SPOCK3: variants seen among roughly 807,000 people sequenced by gnomAD.
SPOCK3 encodes the protein testican-3.
In SPOCK3, 30 loss-of-function variants were observed where a neutral mutation model predicts 56.6. The ratio of observed to expected loss-of-function variants is 0.53; its 90% confidence interval spans 0.40 to 0.72. The LOEUF (loss-of-function observed/expected upper bound fraction) is 0.72. Ranked by LOEUF, SPOCK3 falls within the 30% of genes least tolerant of loss-of-function variation. The pLI is 0.00. For missense variants in SPOCK3, 527 were observed against 530.0 expected (o/e 0.99, Z 0.06); for synonymous variants, 196 against 183.3 (o/e 1.07, Z -0.56).
intron 4 of SPOCK3, among the ~76,000 whole-genome samples, chr4:166,921,094 C>G (rs1014855664): frequency 5.3e-5 from 8 of 152,138 alleles, no homozygotes; most frequent in Non-Finnish European, 1.2e-4. Flanking sequence ...TTGCTTGAGT[C>G]TGATTTACAG....
chr4:166,993,762 G>A (rs1466966761), intron 4 of SPOCK3, among the ~76,000 whole-genome samples: 6 of 152,120 alleles, frequency 3.9e-5, no homozygotes, highest in Non-Finnish European at 7.4e-5. Context: ...CTTCTAACGT[G>A]CTATGGGCAC....
intron 4 of SPOCK3, among the ~76,000 whole-genome samples, chr4:166,954,847 A>T (rs35475805): frequency 0.024 from 3,618 of 152,302 alleles, 77 homozygotes; most frequent in Middle Eastern, 0.061. Flanking sequence ...GCAGCCAATC[A>T]TCTACTTTCT....
intron 7 of SPOCK3, among the ~76,000 whole-genome samples, chr4:166,764,083 T>C (rs1737617146): frequency 6.6e-6 from 1 of 152,112 alleles, no homozygotes; most frequent in Admixed American, 6.6e-5. Flanking sequence ...AATTTCCACC[T>C]AGCCACCATC....
chr4:166,879,138 G>A (rs1342312174), intron 6 of SPOCK3, among the ~76,000 whole-genome samples: 1 of 152,038 alleles, frequency 6.6e-6, no homozygotes, highest in African/African-American at 2.4e-5. Context: ...AGATGGAGAA[G>A]GCAGAAAGAC....
chr4:167,181,349 C>T (rs1164364093), intron 2 of SPOCK3, among the ~76,000 whole-genome samples: 1 of 152,062 alleles, frequency 6.6e-6, no homozygotes, highest in African/African-American at 2.4e-5. Context: ...ATCTCCAGTC[C>T]GACCCCTTCT....
intron 5 of SPOCK3, among the ~76,000 whole-genome samples, chr4:166,899,936 G>T (rs1434844338): frequency 1.3e-5 from 2 of 152,132 alleles, no homozygotes; most frequent in African/African-American, 4.8e-5. Context: ...AAATCTTATT[G>T]CATTCTTTGG....
chr4:166,955,479 AATTAT>A (rs973428371), intron 4 of SPOCK3, among the ~76,000 whole-genome samples: 11 of 146,336 alleles, frequency 7.5e-5, no homozygotes, highest in Admixed American at 2.1e-4. Context: ...TATTATATTT[AATTAT>A]ATTATATTAT....
At chr4:167,055,952 G>A (rs1421675189) in intron 3 of SPOCK3, among the ~76,000 whole-genome samples, 1 of 152,160 alleles carries the variant, frequency 6.6e-6, no homozygotes, top group Non-Finnish European at 1.5e-5. Flanking sequence ...GAGAGCAGTG[G>A]TTCTCCCAGC....
intron 4 of SPOCK3, among the ~76,000 whole-genome samples, chr4:166,923,348 C>G (rs143412494): frequency 2.0e-5 from 3 of 152,278 alleles, no homozygotes; most frequent in South Asian, 4.1e-4. Flanking sequence ...GTAATATTCA[C>G]TCTTATGCTT....
chr4:167,217,960 A>G (rs1288846942), intron 2 of SPOCK3, among the ~76,000 whole-genome samples: 1 of 152,116 alleles, frequency 6.6e-6, no homozygotes, highest in African/African-American at 2.4e-5. Flanking sequence ...GTTTTAGCAA[A>G]CAACAAACAC....
chr4:166,953,863 C>A (rs570209642), intron 4 of SPOCK3, among the ~76,000 whole-genome samples: 104 of 152,218 alleles, frequency 6.8e-4, no homozygotes, highest in African/African-American at 2.4e-3. Flanking sequence ...CATATTCTCA[C>A]TCACAGGTGG....
At chr4:167,170,192 GA>G (rs1730373908) in intron 2 of SPOCK3, among the ~76,000 whole-genome samples, 1 of 152,136 alleles carries the variant, frequency 6.6e-6, no homozygotes, top group Admixed American at 6.6e-5. Flanking sequence ...CACCATTTAG[GA>G]AAGTTACTGT....
chr4:166,843,179 C>G (rs921450125), intron 6 of SPOCK3, among the ~76,000 whole-genome samples: 1 of 152,266 alleles, frequency 6.6e-6, no homozygotes, highest in Admixed American at 6.5e-5. Context: ...CCCTCCACAC[C>G]CCCCCGCAAA....
At chr4:167,043,070 T>G (rs1329001507) in intron 3 of SPOCK3, among the ~76,000 whole-genome samples, 1 of 152,122 alleles carries the variant, frequency 6.6e-6, no homozygotes, top group African/African-American at 2.4e-5. Flanking sequence ...GGTGGCATTA[T>G]ATAGCATGGA....
At chr4:167,066,382 A>C (rs1346939898) in intron 2 of SPOCK3, among the ~76,000 whole-genome samples, 4 of 151,846 alleles carry the variant, frequency 2.6e-5, no homozygotes, top group Non-Finnish European at 4.4e-5. Context: ...ACAAAAGGGA[A>C]GTGTAACAAG....
chr4:167,190,704 C>G (rs775195956), intron 2 of SPOCK3, among the ~76,000 whole-genome samples: 2 of 145,312 alleles, frequency 1.4e-5, no homozygotes, highest in Non-Finnish European at 3.0e-5. Flanking sequence ...TGTCAAGGAG[C>G]CTTGTTCATA....
chr4:167,024,149 G>T (rs756502228), intron 3 of SPOCK3, among the ~76,000 whole-genome samples: 44 of 151,996 alleles, frequency 2.9e-4, no homozygotes, highest in South Asian at 6.2e-4. Flanking sequence ...TAGATCCTGG[G>T]TGCTTCACCA....
chr4:166,919,763 G>A (rs992132711), intron 4 of SPOCK3, among the ~76,000 whole-genome samples: 9 of 152,106 alleles, frequency 5.9e-5, no homozygotes, highest in Non-Finnish European at 1.0e-4. Context: ...CAAAATGCAA[G>A]CCAACAGATT....
intron 2 of SPOCK3, among the ~76,000 whole-genome samples, chr4:167,217,919 A>C (rs1039375506): frequency 9.3e-6 from 1 of 106,966 alleles, no homozygotes; most frequent in African/African-American, 5.1e-5. Flanking sequence ...CATTAAAGTA[A>C]AAAAAAAAAG....
Sources: gnomAD v4.1 joint callset for allele counts (sites outside exome capture counted in the v4.1 genomes callset) on GRCh38, gnomAD v4.1.1 for gene constraint, MANE v1.5 for transcripts, NCBI Gene and HGNC (gene_info 2026-07-23, HGNC 2026-07-21) for gene names.